The following RIPOR3 variants were observed in gnomAD, a reference collection of about 807,000 sequenced individuals.
The protein encoded by RIPOR3 is family with sequence similarity 65 member C.
Under a neutral mutation model 114.3 loss-of-function variants are expected in RIPOR3, and 95 were observed. The observed-to-expected ratio is 0.83, with a 90% CI of 0.70 to 0.99. The LOEUF is 0.99. RIPOR3 is among the 50% of genes least tolerant of loss of function. RIPOR3 has a pLI of 0.00. For synonymous variants in RIPOR3, 575 were observed against 543.8 expected, an observed-to-expected ratio of 1.06 and a Z score of -0.80; for missense variants, 1,252 against 1,266.9, an observed-to-expected ratio of 0.99 and a Z score of 0.18.
intron 1 of RIPOR3, among the ~76,000 whole-genome samples, chr20:50,679,662 G>A (rs1257920438): frequency 2.0e-5 from 3 of 151,064 alleles, no homozygotes; most frequent in African/African-American, 4.9e-5. Context: ...CTAGCTACTC[G>A]GGAGGCTGAG....
chr20:50,634,102 C>T (rs940205854), intron 1 of RIPOR3, among the ~76,000 whole-genome samples: 4 of 151,674 alleles, frequency 2.6e-5, no homozygotes, highest in African/African-American at 9.7e-5. Context: ...CCACATCAGC[C>T]TTTCACGTGG....
chr20:50,666,223 T>TTTTCTTTTCTTTTC lies in RIPOR3; in HGVS notation c.3+24902_3+24903insGAAAAGAAAAGAAA, dbSNP rs1555873441. Among the ~76,000 whole-genome samples, 68 of 104,956 alleles carry TTTTCTTTTCTTTTC rather than the reference T, an allele frequency of 6.5e-4. 1 individual carries two copies. The highest frequency in any genetic ancestry group is 9.4e-4 in the African/African-American group (25 of 26,652). The allele number at this position is 104,956 out of a possible 152,430, so 68.9% of individuals were successfully genotyped here. On this transcript the variant is annotated intron_variant, in intron 1 of 21. Coordinates refer to ENST00000327979, the MANE Select transcript of RIPOR3 (RefSeq NM_001290268.2). The stretch of plus-strand genomic sequence containing the variant: ...TTTTCTTTTCTTTTCTTTTCTTTTC[T>TTTTCTTTTCTTTTC]TTTTTGAGACGGAGTCACGCTCTGT...
In RIPOR3 at chr20:50,625,747, G is replaced by C. The variant is rs971497356; in HGVS notation, c.122+4991C>G. ...GAAGGGCAACCATGCCTGTCAACTGGGGCAGAGTAGGACAGTATCGGGGCC... is the reference window on the plus strand; with the variant it reads ...GAAGGGCAACCATGCCTGTCAACTGCGGCAGAGTAGGACAGTATCGGGGCC... On this transcript the variant is annotated intron_variant, in intron 2 of 21. Transcript: ENST00000327979. Among the ~76,000 whole-genome samples the C allele has an allele frequency of 2.0e-5, 3 of 152,086 alleles. No homozygotes were observed. The East Asian group carries it at 5.8e-4, about 29-fold the overall frequency.
chr20:50,593,315 G>C, intron 17 of RIPOR3, 119 bp from the exon 18 acceptor site: 1 of 1,153,576 alleles, frequency 8.7e-7, no homozygotes, highest in Non-Finnish European at 1.2e-6. Flanking sequence ...GCTCGCACCT[G>C]TAACCCCAGC....
chr20:50,653,981 C>T (rs1435666868), intron 1 of RIPOR3: 1 of 152,190 alleles, frequency 6.6e-6, no homozygotes, highest in Non-Finnish European at 1.5e-5. Flanking sequence ...TGAGACCTTT[C>T]CTGGCCCCTT....
intron 1 of RIPOR3, among the ~76,000 whole-genome samples, chr20:50,671,445 C>G (rs990141910): frequency 6.7e-6 from 1 of 149,568 alleles, no homozygotes; most frequent in Non-Finnish European, 1.5e-5. Flanking sequence ...CACACACACA[C>G]ACACACACAC....
intron 2 of RIPOR3, among the ~76,000 whole-genome samples, chr20:50,628,440 C>T (rs959473806): frequency 6.6e-6 from 1 of 152,146 alleles, no homozygotes; most frequent in African/African-American, 2.4e-5. Context: ...TCCCTTAAAG[C>T]TCATTCCCAC....
At chr20:50,604,518 G>A (rs766767595) in intron 12 of RIPOR3, 127 bp downstream of exon 12, 21 of 1,335,478 alleles carry the variant, frequency 1.6e-5, no homozygotes, top group East Asian at 8.0e-5. Flanking sequence ...ACCCAGGATC[G>A]CCTCAAACGG....
intron 13 of RIPOR3, among the ~76,000 whole-genome samples, chr20:50,600,559 G>A (rs1288989661): frequency 6.6e-6 from 1 of 152,160 alleles, no homozygotes; most frequent in African/African-American, 2.4e-5. Context: ...AGGAGTTTGA[G>A]ACCAGCCTGG....
At chr20:50,618,246 G>C (rs1358347757) in intron 3 of RIPOR3, among the ~76,000 whole-genome samples, 3 of 132,716 alleles carry the variant, frequency 2.3e-5, no homozygotes. Flanking sequence ...ACTCCAGCCT[G>C]GGTGACAGAG....
At chr20:50,631,713 G>T (rs6122955) in intron 1 of RIPOR3, among the ~76,000 whole-genome samples, 1 of 152,100 alleles carries the variant, frequency 6.6e-6, no homozygotes, top group East Asian at 1.9e-4. Context: ...TCTCCGACCC[G>T]CCCTGCAATG....
intron 1 of RIPOR3, among the ~76,000 whole-genome samples, chr20:50,683,481 C>T (rs2086924922): frequency 6.7e-6 from 1 of 149,338 alleles, no homozygotes; most frequent in Non-Finnish European, 1.5e-5. Context: ...GAGACGGAGT[C>T]TCACTCCATT....
At chr20:50,598,389 G>T (rs1236065536) in intron 13 of RIPOR3, among the ~76,000 whole-genome samples, 1 of 151,972 alleles carries the variant, frequency 6.6e-6, no homozygotes, top group African/African-American at 2.4e-5. Flanking sequence ...CTCTGGGGCT[G>T]GTTCCTGCCC....
chr20:50,599,884 G>T (rs1203404224), intron 13 of RIPOR3, among the ~76,000 whole-genome samples: 1 of 151,326 alleles, frequency 6.6e-6, no homozygotes, highest in Admixed American at 6.6e-5. Context: ...ATGTGTGTAT[G>T]TATGCGCTCA....
chr20:50,605,408 A>G (rs78048165), intron 11 of RIPOR3, among the ~76,000 whole-genome samples: 3,316 of 152,186 alleles, frequency 0.022, 47 homozygotes, highest in African/African-American at 0.041. Flanking sequence ...ATTTTCTCTG[A>G]CCCCAAAGCC....
chr20:50,609,533 T>C (rs922850671), intron 7 of RIPOR3, 40 bp downstream of exon 7: 1 of 1,428,474 alleles, frequency 7.0e-7, no homozygotes, highest in Non-Finnish European at 9.1e-7. Context: ...GGCCCAGCTC[T>C]TGCTGCCCCT....
At chr20:50,627,017 G>GAAAAA (rs1193955700) in intron 2 of RIPOR3, among the ~76,000 whole-genome samples, 3 of 123,060 alleles carry the variant, frequency 2.4e-5, no homozygotes, top group Admixed American at 8.4e-5. Flanking sequence ...TCCGTCTCAA[G>GAAAAA]AAAAAAAAAA....
At chr20:50,685,138 G>A (rs537233324) in intron 1 of RIPOR3, among the ~76,000 whole-genome samples, 2 of 151,988 alleles carry the variant, frequency 1.3e-5, no homozygotes, top group South Asian at 4.2e-4. Flanking sequence ...GTGTTTAAGG[G>A]TCAAGAAAGT....
At chr20:50,663,191 G>A (rs779405178) in intron 1 of RIPOR3, among the ~76,000 whole-genome samples, 46 of 151,690 alleles carry the variant, frequency 3.0e-4, no homozygotes, top group South Asian at 1.3e-3. Flanking sequence ...ATTCACTGAC[G>A]TGATTCTGCC....
Sources: allele counts gnomAD v4.1 joint callset (sites outside exome capture counted in the v4.1 genomes callset), GRCh38; gene constraint gnomAD v4.1.1; transcripts MANE v1.5; gene names NCBI Gene and HGNC (gene_info 2026-07-23, HGNC 2026-07-21).